ABL2: variants seen among roughly 807,000 people sequenced by gnomAD.
ABL2 encodes the protein ABL proto-oncogene 2, non-receptor tyrosine kinase.
A neutral mutation model predicts 107.7 loss-of-function variants in ABL2; 49 were observed. That is an observed-to-expected ratio of 0.45 (90% CI 0.36 to 0.58). The LOEUF is 0.58. ABL2 is among the 20% of genes least tolerant of loss of function. ABL2 has a pLI of 0.00. For missense variants in ABL2, 1,245 were observed against 1,457.0 expected (o/e 0.85, Z 2.37); for synonymous variants, 549 against 548.6 (o/e 1.00, Z -0.01).
At chr1:179,150,550 A>G (rs1658297388) in intron 1 of ABL2, among the ~76,000 whole-genome samples, 1 of 152,250 alleles carries the variant, frequency 6.6e-6, no homozygotes, top group East Asian at 1.9e-4. Context: ...ATCTCATGAC[A>G]AAACCTGAAC....
intron 1 of ABL2, among the ~76,000 whole-genome samples, chr1:179,189,533 C>CTTT (rs1378604190): frequency 6.6e-6 from 1 of 152,178 alleles, no homozygotes; most frequent in African/African-American, 2.4e-5. Context: ...CATATTACAT[C>CTTT]TTAATTAGCA....
intron 1 of ABL2, among the ~76,000 whole-genome samples, chr1:179,138,369 G>C (rs146034835): frequency 3.0e-4 from 45 of 152,206 alleles, no homozygotes; most frequent in Non-Finnish European, 6.0e-4. Flanking sequence ...AAAGTACTGC[G>C]ATTACAAGCA....
intron 1 of ABL2, among the ~76,000 whole-genome samples, chr1:179,223,293 A>G (rs2124867696): frequency 6.6e-6 from 1 of 151,670 alleles, no homozygotes; most frequent in African/African-American, 2.4e-5. Context: ...GCACGCACCT[A>G]TAGTCCCAGC....
At chr1:179,112,078 TA>T (rs1363152223) in intron 10 of ABL2, among the ~76,000 whole-genome samples, 2 of 152,218 alleles carry the variant, frequency 1.3e-5, no homozygotes, top group African/African-American at 4.8e-5. Context: ...AATATCATTT[TA>T]AATATTCAGC....
chr1:179,141,138 T>G (rs1280088910), intron 1 of ABL2, among the ~76,000 whole-genome samples: 2 of 131,802 alleles, frequency 1.5e-5, no homozygotes, highest in East Asian at 2.1e-4. Flanking sequence ...AAAAAAAAAA[T>G]TAAGTATTGG....
intron 1 of ABL2, among the ~76,000 whole-genome samples, chr1:179,196,321 T>A (rs1198269810): frequency 6.6e-6 from 1 of 152,264 alleles, no homozygotes; most frequent in Non-Finnish European, 1.5e-5. Context: ...GAAATTTGTA[T>A]CTTTTTTGTA....
chr1:179,123,877 C>A (rs1232240599), intron 4 of ABL2, among the ~76,000 whole-genome samples: 1 of 152,144 alleles, frequency 6.6e-6, no homozygotes, highest in Non-Finnish European at 1.5e-5. Flanking sequence ...GTGATCTACC[C>A]TCCTTGGCCT....
In ABL2 at chr1:179,193,730, T is replaced by G. The variant is rs184808190; in HGVS notation, c.157+35511A>C. Among the ~76,000 whole-genome samples the G allele has an allele frequency of 2.5e-3, 377 of 152,018 alleles. 5 individuals carry two copies. Among genetic ancestry groups the G allele is most frequent in the African/African-American group, 8.9e-3 (367 of 41,452 alleles). On this transcript the variant is annotated intron_variant, in intron 1 of 11. Transcript: ENST00000502732. ...CTAATTTTTTGTTGCTGTTGTATTT[T>G]GTTTTTTTGGTTTTTTTTGGAGACG... is the stretch of plus-strand genomic sequence containing the variant.
intron 1 of ABL2, among the ~76,000 whole-genome samples, chr1:179,169,921 C>T (rs184532573): frequency 2.2e-3 from 340 of 152,020 alleles, no homozygotes; most frequent in Admixed American, 3.9e-3. Flanking sequence ...CCCAGCTACT[C>T]GGGAGGCTGA....
At chr1:179,179,646 A>G (rs1416143364) in intron 1 of ABL2, among the ~76,000 whole-genome samples, 1 of 152,192 alleles carries the variant, frequency 6.6e-6, no homozygotes, top group Non-Finnish European at 1.5e-5. Flanking sequence ...ATAGAGCAAG[A>G]GTGTCTACTA....
In ABL2 at chr1:179,126,651, C is replaced by T. The variant is rs760263640; in HGVS notation, c.413G>A (p.Gly138Asp). 3 of 1,612,788 alleles carry T rather than the reference C, an allele frequency of 1.9e-6. No individual in the cohort carries two copies. The change falls in exon 4 of 12, where the codon GGT (glycine) becomes GAT (aspartate). Residue 138 changes from glycine (G) to aspartate (D), a missense_variant. Around this residue, in one of 3 missense-constraint regions of ABL2, gnomAD observed 320 missense variants for 547.0 expected, o/e 0.59. Coordinates refer to ENST00000502732, the MANE Select transcript of ABL2 (RefSeq NM_007314.4). This position sits in a 1 kb window ranked among gnomAD's most constrained non-coding sequence, Gnocchi z 4.4. ...ACTCCACTCACCATTCTGGTTGTAACCAAGGACTCGTAGCTTTTCACCTAG... is the reference window on the plus strand; with the variant it reads ...ACTCCACTCACCATTCTGGTTGTAATCAAGGACTCGTAGCTTTTCACCTAG... ...ITKGEKLRVL[G>D]YNQNGEWSEV...
Position 179,112,404 on chromosome 1 carries a change from T to C in ABL2, c.1562-6A>G. The C allele has an allele frequency of 1.2e-6, 2 of 1,610,764 alleles. No individual in the cohort carries two copies. Among genetic ancestry groups the C allele is most frequent in the Non-Finnish European group, 1.7e-6 (2 of 1,177,728 alleles). ...GGCAGGGCTCCACTTCCAGCCTATGTAACAGAAGAAAAAATATTAAAAACT... is the reference window on the plus strand; with the variant it reads ...GGCAGGGCTCCACTTCCAGCCTATGCAACAGAAGAAAAAATATTAAAAACT... On this transcript the variant is annotated splice_polypyrimidine_tract_variant and splice_region_variant and intron_variant, in intron 9 of 11. Coordinates refer to ENST00000502732, the MANE Select transcript of ABL2 (RefSeq NM_007314.4).
At chr1:179,181,597 C>G (rs1031239760) in intron 1 of ABL2, among the ~76,000 whole-genome samples, 2 of 152,186 alleles carry the variant, frequency 1.3e-5, no homozygotes, top group African/African-American at 4.8e-5. Flanking sequence ...AAATGTAACC[C>G]TAACTCAGCA....
At chr1:179,110,924 C>A in intron 10 of ABL2, 1 of 1,570,544 alleles carries the variant, frequency 6.4e-7, no homozygotes, top group Non-Finnish European at 8.7e-7. Context: ...TACTATTTTG[C>A]ATGAAAGCTG....
At chr1:179,187,040 A>G (rs558389896) in intron 1 of ABL2, among the ~76,000 whole-genome samples, 1 of 152,202 alleles carries the variant, frequency 6.6e-6, no homozygotes, top group East Asian at 1.9e-4. Flanking sequence ...CCCCATTACC[A>G]TTTATAGTGT....
intron 1 of ABL2, among the ~76,000 whole-genome samples, chr1:179,156,799 A>C (rs1658717650): frequency 6.6e-6 from 1 of 152,024 alleles, no homozygotes; most frequent in Admixed American, 6.6e-5. Context: ...AATTGCGTGA[A>C]CCAGGGAAAC....
chr1:179,229,096 T>A, intron 1 of ABL2, 145 bp downstream of exon 1: 1 of 1,062,028 alleles, frequency 9.4e-7, no homozygotes, highest in East Asian at 3.0e-5. Context: ...CTCCCAGGAC[T>A]GGACCAGATG....
chr1:179,157,795 C>A (rs1658798158), intron 1 of ABL2, among the ~76,000 whole-genome samples: 1 of 151,346 alleles, frequency 6.6e-6, no homozygotes, highest in South Asian at 2.1e-4. Context: ...GCCTCATACT[C>A]CTGGCCTCAA....
chr1:179,114,912 T>C lies in ABL2; in HGVS notation c.1527A>G (p.Gly509=). Residue 509 remains glycine, a synonymous_variant, in exon 9 of 12, where the codon GGA becomes GGG. Transcript: ENST00000502732. Reference sequence around the variant, plus strand: ...TAAGTTCATAAACCTTAGGGGGGCATCCCTCAGGCTGTTCCATTCGATATC... The same window carrying C: ...TAAGTTCATAAACCTTAGGGGGGCACCCCTCAGGCTGTTCCATTCGATATC... ...EKGYRMEQPE[G]CPPKVYELMR... is the part of the protein sequence containing the mutation. The C allele has an allele frequency of 6.2e-7, 1 of 1,610,022 alleles. No homozygotes were observed. Among genetic ancestry groups the C allele is most frequent in the Non-Finnish European group, 8.5e-7 (1 of 1,178,530 alleles).
Sources: gnomAD v4.1 joint callset for allele counts (sites outside exome capture counted in the v4.1 genomes callset) on GRCh38, gnomAD v4.1.1 for gene constraint, gnomAD v4.1.1 regional missense constraint, Gnocchi (gnomAD v3.1) non-coding constraint, MANE v1.5 for transcripts, NCBI Gene and HGNC (gene_info 2026-07-23, HGNC 2026-07-21) for gene names.